BABAM2: variants seen among roughly 807,000 people sequenced by gnomAD.
BABAM2 encodes BRISC and BRCA1-A complex member 2.
BABAM2 carries 31 observed loss-of-function variants against 54.7 expected under a neutral mutation model. That is an observed-to-expected ratio of 0.57 (90% confidence interval 0.43 to 0.77). The LOEUF (loss-of-function observed/expected upper bound fraction) is 0.77, where lower values mean the gene tolerates loss of function less well. Ranked by LOEUF, BABAM2 falls within the 30% of genes least tolerant of loss-of-function variation. BABAM2 has a pLI of 0.00. For synonymous variants in BABAM2, 167 were observed against 162.9 expected, an observed-to-expected ratio of 1.03 and a Z score of -0.19; for missense variants, 364 against 455.8, an observed-to-expected ratio of 0.80 and a Z score of 1.83.
At chr2:28,313,268 T>C (rs1689239013) in intron 11 of BABAM2, among the ~76,000 whole-genome samples, 1 of 152,204 alleles carries the variant, frequency 6.6e-6, no homozygotes, top group African/African-American at 2.4e-5. Context: ...TACTAGCGTC[T>C]ATGGGCAAAA....
At chr2:27,929,485 C>T (rs1667942132) in intron 2 of BABAM2, among the ~76,000 whole-genome samples, 1 of 152,106 alleles carries the variant, frequency 6.6e-6, no homozygotes, top group African/African-American at 2.4e-5. Flanking sequence ...TAAAACTATT[C>T]TTATTTTACA....
At chr2:28,225,750 C>T (rs1247775709) in intron 7 of BABAM2, among the ~76,000 whole-genome samples, 1 of 151,472 alleles carries the variant, frequency 6.6e-6, no homozygotes, top group Non-Finnish European at 1.5e-5. Context: ...CCACAGTCCA[C>T]GAGTTGCCTA....
intron 6 of BABAM2, among the ~76,000 whole-genome samples, chr2:28,121,871 A>G (rs1386310917): frequency 1.3e-5 from 2 of 152,186 alleles, no homozygotes; most frequent in Non-Finnish European, 2.9e-5. Flanking sequence ...CTCACTTTGT[A>G]TATTTTAAAA....
chr2:27,900,356 G>A (rs1314396808), intron 2 of BABAM2, among the ~76,000 whole-genome samples: 1 of 151,396 alleles, frequency 6.6e-6, no homozygotes, highest in East Asian at 1.9e-4. Flanking sequence ...GAACCTAATC[G>A]AAGCAAGATT....
chr2:28,270,990 T>C (rs552790252), intron 10 of BABAM2, among the ~76,000 whole-genome samples: 1 of 152,306 alleles, frequency 6.6e-6, no homozygotes, highest in African/African-American at 2.4e-5. Flanking sequence ...CAGGTCTACA[T>C]GAGATGCAGG....
At chr2:27,890,459 C>G (rs559551018), upstream of BABAM2, 28 of 1,009,972 alleles carry the variant, frequency 2.8e-5, no homozygotes, top group South Asian at 3.5e-4. The surrounding 1 kb of genome is among the most constrained non-coding windows in gnomAD (Gnocchi z 4.8). Flanking sequence ...CAGACGCCTA[C>G]GCGGGTCGCC....
At chr2:28,111,854 CT>C (rs1430652691) in intron 6 of BABAM2, among the ~76,000 whole-genome samples, 1 of 152,194 alleles carries the variant, frequency 6.6e-6, no homozygotes, top group Non-Finnish European at 1.5e-5. Context: ...CAGCTGCCTA[CT>C]GTTCACAAGT....
intron 6 of BABAM2, among the ~76,000 whole-genome samples, chr2:28,069,435 A>C (rs1248610064): frequency 6.6e-6 from 1 of 152,214 alleles, no homozygotes; most frequent in East Asian, 1.9e-4. Flanking sequence ...ATAATGGATT[A>C]AAGAGTTGCA....
chr2:27,997,857 G>T (rs1458583735), intron 4 of BABAM2, among the ~76,000 whole-genome samples: 1 of 152,062 alleles, frequency 6.6e-6, no homozygotes, highest in Non-Finnish European at 1.5e-5. Context: ...TGCAGTTCAA[G>T]AATATGCTTA....
chr2:27,945,876 G>C (rs1669262568), intron 3 of BABAM2, among the ~76,000 whole-genome samples: 1 of 150,768 alleles, frequency 6.6e-6, no homozygotes, highest in Admixed American at 6.6e-5. Context: ...CTTGTATGCT[G>C]ATGCTGCTAT....
At chr2:27,985,846 T>C (rs1300000650) in intron 3 of BABAM2, among the ~76,000 whole-genome samples, 2 of 152,198 alleles carry the variant, frequency 1.3e-5, no homozygotes, top group Non-Finnish European at 2.9e-5. Flanking sequence ...GTGTTTATTA[T>C]GATTTTTTAA....
chr2:28,034,347 A>G (rs1267113804), intron 5 of BABAM2, among the ~76,000 whole-genome samples: 2 of 152,206 alleles, frequency 1.3e-5, no homozygotes, highest in Non-Finnish European at 2.9e-5. Context: ...GGACCTTGAC[A>G]CAAAGATTAA....
intron 7 of BABAM2, among the ~76,000 whole-genome samples, chr2:28,185,994 A>C (rs1573784664): frequency 6.6e-6 from 1 of 152,228 alleles, no homozygotes; most frequent in African/African-American, 2.4e-5. Flanking sequence ...GTGGATACCC[A>C]ACTTGTAAAG....
At chr2:28,221,991 T>C (rs1482016818) in intron 7 of BABAM2, among the ~76,000 whole-genome samples, 1 of 152,170 alleles carries the variant, frequency 6.6e-6, no homozygotes, top group Non-Finnish European at 1.5e-5. Flanking sequence ...CAAGTTGTCC[T>C]GAGTTAGCCC....
intron 10 of BABAM2, among the ~76,000 whole-genome samples, chr2:28,261,963 A>T (rs1324248141): frequency 6.6e-6 from 1 of 152,182 alleles, no homozygotes; most frequent in Non-Finnish European, 1.5e-5. Context: ...CTCACAATCT[A>T]GTGGGGAAAA....
In BABAM2 at chr2:28,250,405, AT is replaced by A. The variant is rs1490345428; in HGVS notation, c.934+5544del. 2.0e-5 allele frequency among the ~76,000 whole-genome samples: 3 copies of A among 149,708 alleles called. No homozygotes were observed. In the Admixed American group the frequency reaches 2.0e-4, roughly 10 times the overall value. ...AGAGATTACAATATGCATCTTTAACATAATTGCCTTAAGATTAATAATACCT... is the reference window on the plus strand; with the variant it reads ...AGAGATTACAATATGCATCTTTAACAAATTGCCTTAAGATTAATAATACCT... On this transcript the variant is annotated intron_variant, in intron 10 of 11. Transcript: ENST00000379624.
At chr2:28,085,984 G>C (rs948307034) in intron 6 of BABAM2, among the ~76,000 whole-genome samples, 1 of 152,064 alleles carries the variant, frequency 6.6e-6, no homozygotes, top group African/African-American at 2.4e-5. Flanking sequence ...GTCTTATGCT[G>C]TACAGGGATA....
Position 27,894,584 on chromosome 2 carries a change from A to G in BABAM2, c.28A>G (p.Ile10Val), listed in dbSNP as rs1472207719. 4 of 1,614,048 alleles carry G rather than the reference A, an allele frequency of 2.5e-6. No homozygotes were observed. Among genetic ancestry groups the G allele is most frequent in the Admixed American group, 3.3e-5 (2 of 60,020 alleles). MSPEVALNR[I>V]SPMLSPFISS... is the part of the protein sequence containing the mutation. ...GTCCCCAGAAGTGGCCTTGAACCGAATATCTCCAATGCTCTCCCCTTTCAT... is the reference window on the plus strand; with the variant it reads ...GTCCCCAGAAGTGGCCTTGAACCGAGTATCTCCAATGCTCTCCCCTTTCAT... The change falls in exon 2 of 12, where the codon ATA (isoleucine) becomes GTA (valine). Residue 10 changes from isoleucine to valine, a missense_variant. Transcript: ENST00000379624.
intron 10 of BABAM2, among the ~76,000 whole-genome samples, chr2:28,276,933 C>T (rs957056404): frequency 3.3e-5 from 5 of 152,142 alleles, no homozygotes; most frequent in African/African-American, 7.2e-5. Flanking sequence ...CATTAGCAGA[C>T]GGCAGAGTGA....
Sources: allele counts gnomAD v4.1 joint callset (sites outside exome capture counted in the v4.1 genomes callset), GRCh38; gene constraint gnomAD v4.1.1; non-coding constraint Gnocchi (gnomAD v3.1); transcripts MANE v1.5; gene names NCBI Gene and HGNC (gene_info 2026-07-23, HGNC 2026-07-21).